Variants in TLN2 observed in about 807,000 individuals in gnomAD.
The protein encoded by TLN2 is talin 2, also known as talin-2.
Under a neutral mutation model 294.7 loss-of-function variants are expected in TLN2, and 118 were observed. The observed-to-expected ratio is 0.40, with a 90% CI of 0.34 to 0.47. The LOEUF (loss-of-function observed/expected upper bound fraction) is 0.47. Among genes scored for constraint, TLN2 ranks in the 20% least tolerant of loss-of-function variants. TLN2 has a pLI of 0.84. For missense variants in TLN2, 3,083 were observed against 3,282.2 expected (o/e 0.94, Z 1.48); for synonymous variants, 1,431 against 1,304.5 (o/e 1.10, Z -2.09).
At chr15:62,791,056 T>C (rs1042930181) in intron 45 of TLN2, among the ~76,000 whole-genome samples, 4 of 152,120 alleles carry the variant, frequency 2.6e-5, no homozygotes, top group Admixed American at 2.6e-4. Flanking sequence ...TGGCTGGGCC[T>C]GGTGGCTCAC....
At chr15:62,401,224 A>T (rs191220086) in intron 1 of TLN2, among the ~76,000 whole-genome samples, 2 of 152,150 alleles carry the variant, frequency 1.3e-5, no homozygotes, top group East Asian at 3.9e-4. Context: ...CTTCTCACTG[A>T]TCTCCTAGTT....
At chr15:62,633,665 C>T (rs187977696) in intron 3 of TLN2, among the ~76,000 whole-genome samples, 1 of 152,320 alleles carries the variant, frequency 6.6e-6, no homozygotes, top group East Asian at 1.9e-4. Flanking sequence ...TTTAACTGTA[C>T]TATTTGCTAT....
intron 33 of TLN2, among the ~76,000 whole-genome samples, chr15:62,749,866 A>G (rs2061827360): frequency 6.6e-6 from 1 of 152,236 alleles, no homozygotes. Context: ...CTAAACAACA[A>G]GAAACGTTTT....
intron 43 of TLN2, among the ~76,000 whole-genome samples, chr15:62,779,781 A>G (rs1375289431): frequency 6.6e-6 from 1 of 152,270 alleles, no homozygotes; most frequent in Admixed American, 6.5e-5. Context: ...TATAGCATCT[A>G]TCTGCCTAAT....
At chr15:62,391,651 G>T (rs1405335370) in intron 1 of TLN2, among the ~76,000 whole-genome samples, 2 of 152,168 alleles carry the variant, frequency 1.3e-5, no homozygotes, top group Non-Finnish European at 2.9e-5. Flanking sequence ...GCGCGCCGAG[G>T]CAGGCGCGGA....
chr15:62,739,157 AAATG>A (rs1039340040), intron 30 of TLN2, among the ~76,000 whole-genome samples, 187 bp from the exon 31 acceptor site: 2 of 152,224 alleles, frequency 1.3e-5, no homozygotes, highest in Non-Finnish European at 2.9e-5. Flanking sequence ...TGATACATTT[AAATG>A]AATGAATGGA....
chr15:62,834,108 A>G (rs966628308), intron 55 of TLN2: 2 of 152,568 alleles, frequency 1.3e-5, no homozygotes, highest in African/African-American at 2.4e-5. Context: ...GTCAGATTTT[A>G]AATCTGAAAT....
intron 52 of TLN2, among the ~76,000 whole-genome samples, chr15:62,813,850 C>T (rs12898993): frequency 2.8e-3 from 426 of 151,044 alleles, no homozygotes; most frequent in Non-Finnish European, 4.6e-3. Context: ...GTTTTGCCCT[C>T]GTTGCCTGGG....
intron 32 of TLN2, among the ~76,000 whole-genome samples, chr15:62,742,322 C>A (rs2061385891): frequency 6.6e-6 from 1 of 151,944 alleles, no homozygotes; most frequent in African/African-American, 2.4e-5. Flanking sequence ...GATAGAAAAC[C>A]CCCTCTTGAT....
At chr15:62,741,010 T>C (rs2061293617) in intron 32 of TLN2, among the ~76,000 whole-genome samples, 1 of 152,256 alleles carries the variant, frequency 6.6e-6, no homozygotes, top group Non-Finnish European at 1.5e-5. Context: ...TAGAGACTTG[T>C]TTAGACGTAA....
At chr15:62,651,971 A>G (rs780590030) in intron 5 of TLN2, 34 bp from the exon 6 acceptor site, 1 of 1,537,712 alleles carries the variant, frequency 6.5e-7, no homozygotes, top group Non-Finnish European at 8.8e-7. Context: ...TTTTCCCCAC[A>G]CAGTGTGAAA....
At chr15:62,499,755 C>T (rs1247169852) in intron 1 of TLN2, among the ~76,000 whole-genome samples, 1 of 152,020 alleles carries the variant, frequency 6.6e-6, no homozygotes, top group Non-Finnish European at 1.5e-5. Flanking sequence ...AGGCATGTTC[C>T]ACCATGCCCG....
chr15:62,409,742 T>C (rs2033649214), intron 1 of TLN2, among the ~76,000 whole-genome samples: 1 of 152,132 alleles, frequency 6.6e-6, no homozygotes, highest in Non-Finnish European at 1.5e-5. Flanking sequence ...CAAAAATTGG[T>C]AAATGCTTTC....
At chr15:62,494,814 G>A (rs994534414) in intron 1 of TLN2, among the ~76,000 whole-genome samples, 1 of 152,132 alleles carries the variant, frequency 6.6e-6, no homozygotes, top group Non-Finnish European at 1.5e-5. Context: ...AAGTGGTTAG[G>A]GGATTCTAAG....
rs77370737 is a variant in TLN2, at chr15:62,541,543, C to T, written c.-237-48144C>T. Among the ~76,000 whole-genome samples, 3 of 152,124 alleles carry T rather than the reference C, an allele frequency of 2.0e-5. No homozygotes were observed. In the East Asian group the frequency reaches 5.8e-4, roughly 29 times the overall value. On this transcript the variant is annotated intron_variant, in intron 1 of 58. Transcript: ENST00000636159. ...GAACCACCCCTTCCAGCTCCCCAAT[C>T]GTATTGCCTACCTGGGGTCAGCCCC...
chr15:62,688,351 A>G (rs1315312981), intron 12 of TLN2, among the ~76,000 whole-genome samples: 1 of 152,048 alleles, frequency 6.6e-6, no homozygotes, highest in Non-Finnish European at 1.5e-5. Flanking sequence ...GTTTGATTCC[A>G]TTATGGTCAG....
intron 1 of TLN2, among the ~76,000 whole-genome samples, chr15:62,432,229 T>C (rs1243456056): frequency 1.3e-5 from 2 of 152,170 alleles, no homozygotes; most frequent in East Asian, 3.8e-4. Context: ...AATCCTCTAA[T>C]TGAAGACAAA....
At chr15:62,697,601 G>C in intron 14 of TLN2, 87 bp from the exon 15 acceptor site, 1 of 1,438,936 alleles carries the variant, frequency 6.9e-7, no homozygotes, top group Admixed American at 2.4e-5. Flanking sequence ...GCATAAAGCA[G>C]GGAACATACG....
At chr15:62,721,772 A>T (rs2060162167) in intron 25 of TLN2, among the ~76,000 whole-genome samples, 1 of 152,244 alleles carries the variant, frequency 6.6e-6, no homozygotes, top group Non-Finnish European at 1.5e-5. Context: ...GAGAATTGAG[A>T]AATGGCAATA....
Sources: gnomAD v4.1 joint callset for allele counts (sites outside exome capture counted in the v4.1 genomes callset) on GRCh38, gnomAD v4.1.1 for gene constraint, MANE v1.5 for transcripts, NCBI Gene and HGNC (gene_info 2026-07-23, HGNC 2026-07-21) for gene names.